The following TENM3 variants were observed in gnomAD, a reference collection of about 807,000 sequenced individuals.
The protein encoded by TENM3 is teneurin-3.
A neutral mutation model predicts 255.1 loss-of-function variants in TENM3; 63 were observed. The observed-to-expected ratio is 0.25, with a 90% CI of 0.20 to 0.30. The LOEUF (loss-of-function observed/expected upper bound fraction) is 0.30, where lower values mean the gene tolerates loss of function less well. Among genes scored for constraint, TENM3 ranks in the 10% least tolerant of loss-of-function variants. The pLI, the probability that TENM3 is intolerant of heterozygous loss-of-function variation, is 1.00. For missense variants in TENM3, 2,929 were observed against 3,461.1 expected (o/e 0.85, Z 3.86); for synonymous variants, 1,306 against 1,322.3 (o/e 0.99, Z 0.27).
chr4:182,708,772 T>TC (rs1475530004), intron 12 of TENM3, among the ~76,000 whole-genome samples: 1 of 135,744 alleles, frequency 7.4e-6, no homozygotes, highest in Non-Finnish European at 1.5e-5. Context: ...TACTCCAGCC[T>TC]GGGCGACAGA....
the TENM3 span, among the ~76,000 whole-genome samples, chr4:181,944,056 C>G: frequency 6.6e-6 from 1 of 152,126 alleles, no homozygotes; most frequent in Non-Finnish European, 1.5e-5. Context: ...CTTTTTGTCT[C>G]TAGGCACCAG....
intron 12 of TENM3, among the ~76,000 whole-genome samples, chr4:182,691,734 G>A (rs2152598089): frequency 1.3e-5 from 2 of 152,220 alleles, no homozygotes; most frequent in Non-Finnish European, 2.9e-5. Flanking sequence ...TCTACTTTTA[G>A]CAATATTGTG....
chr4:182,186,762 C>CATATATATATATATATAT (rs70954298), intron 1 of TENM3, among the ~76,000 whole-genome samples: 1 of 27,502 alleles, frequency 3.6e-5, no homozygotes, highest in Non-Finnish European at 7.4e-5. Flanking sequence ...ACTAATGCAT[C>CATATATATATATATATAT]ATATATATAT....
chr4:182,051,098 T>C, the TENM3 span, among the ~76,000 whole-genome samples: 88 of 151,808 alleles, frequency 5.8e-4, no homozygotes, highest in African/African-American at 2.1e-3. Context: ...AATCCCACCA[T>C]TTTGGGAGGC....
the TENM3 span, among the ~76,000 whole-genome samples, chr4:181,621,646 C>A: frequency 3.9e-5 from 6 of 152,132 alleles, no homozygotes; most frequent in African/African-American, 1.4e-4. Flanking sequence ...TTAATATATT[C>A]TGTATGTTGC....
intron 1 of TENM3, among the ~76,000 whole-genome samples, chr4:182,167,529 A>G (rs1341969801): frequency 6.6e-6 from 1 of 152,212 alleles, no homozygotes; most frequent in Non-Finnish European, 1.5e-5. Flanking sequence ...TTAAAGAAAA[A>G]GAATTCTTGT....
rs188552934 is a variant in TENM3, at chr4:182,673,081, A to G, written c.1188A>G (p.Gln396=). ...GELDIGRRAI[Q]EIPPGIFWRS... ...TTGATATTGGCCGAAGAGCAATTCA[A>G]GAGATTCCTCCCGGGATCTTCTGGA... The change falls in exon 7 of 28, where the codon CAA becomes CAG. Residue 396 remains glutamine (Q), a synonymous_variant. Coordinates refer to ENST00000511685, the MANE Select transcript of TENM3 (RefSeq NM_001080477.4). 16 of 1,611,478 alleles carry G rather than the reference A, an allele frequency of 9.9e-6. No individual in the cohort carries two copies. The highest frequency in any genetic ancestry group is 8.0e-5 in the African/African-American group (6 of 75,012).
chr4:182,432,914 T>G (rs1471669886), intron 3 of TENM3, among the ~76,000 whole-genome samples: 1 of 141,304 alleles, frequency 7.1e-6, no homozygotes, highest in Non-Finnish European at 1.6e-5. Flanking sequence ...CTTTAACTCC[T>G]GACCTCAGGT....
chr4:181,565,259 G>A, the TENM3 span, among the ~76,000 whole-genome samples: 7 of 152,100 alleles, frequency 4.6e-5, no homozygotes, highest in African/African-American at 7.2e-5. Flanking sequence ...AGGCAACGAG[G>A]ACTAATACTC....
the TENM3 span, among the ~76,000 whole-genome samples, chr4:181,479,499 T>C: frequency 6.6e-6 from 1 of 152,314 alleles, no homozygotes; most frequent in South Asian, 2.1e-4. Flanking sequence ...ATTTAAGTCA[T>C]ACTGGACCTA....
the TENM3 span, among the ~76,000 whole-genome samples, chr4:181,666,181 GTCT>G: frequency 6.6e-6 from 1 of 152,120 alleles, no homozygotes; most frequent in Non-Finnish European, 1.5e-5. Context: ...ATGAGGAAAA[GTCT>G]GGCAGAGATT....
Position 182,793,398 on chromosome 4 carries a change from A to C in TENM3, c.6726A>C (p.Leu2242=). ...LGRRVSSKTS[L]GQHLQFFYAD... ...GGCGTGTTTCTAGCAAAACCAGTCT[A>C]GGACAGCACCTGCAGTTTTTTTATG... The change falls in exon 26 of 28, where the codon CTA becomes CTC. Residue 2242 remains leucine (L), a synonymous_variant. Transcript: ENST00000511685. The surrounding 1 kb of genome is among the most constrained non-coding windows in gnomAD (Gnocchi z 5.7). 1 of 1,613,990 alleles carries C rather than the reference A, an allele frequency of 6.2e-7. No homozygotes were observed. The highest frequency in any genetic ancestry group is 2.2e-5 in the East Asian group (1 of 44,888).
intron 3 of TENM3, among the ~76,000 whole-genome samples, chr4:182,392,664 C>A (rs1479886610): frequency 1.3e-5 from 2 of 148,884 alleles, no homozygotes; most frequent in Non-Finnish European, 3.0e-5. Context: ...TAGGGGAATG[C>A]CTCCACGTGG....
At chr4:182,438,868 G>GA (rs1772244639) in intron 3 of TENM3, among the ~76,000 whole-genome samples, 1 of 152,150 alleles carries the variant, frequency 6.6e-6, no homozygotes, top group African/African-American at 2.4e-5. Context: ...AGCTTTTGTT[G>GA]AAAATCTTGC....
intron 12 of TENM3, among the ~76,000 whole-genome samples, chr4:182,705,455 G>A (rs1055031888): frequency 2.0e-5 from 3 of 152,076 alleles, no homozygotes; most frequent in Non-Finnish European, 4.4e-5. Context: ...AATATTATAC[G>A]GTACTATTTA....
chr4:182,088,908 A>G, the TENM3 span, among the ~76,000 whole-genome samples: 1 of 152,158 alleles, frequency 6.6e-6, no homozygotes, highest in Admixed American at 6.5e-5. Flanking sequence ...TCTCTCCAAA[A>G]TGATTTCATG....
intron 3 of TENM3, among the ~76,000 whole-genome samples, chr4:182,366,899 AAGTC>A (rs759340352): frequency 7.2e-5 from 11 of 152,112 alleles, no homozygotes; most frequent in African/African-American, 1.4e-4. Flanking sequence ...ATCCTGCAGA[AAGTC>A]AGGTTACATA....
chr4:181,871,708 T>C, the TENM3 span, among the ~76,000 whole-genome samples: 2 of 152,148 alleles, frequency 1.3e-5, no homozygotes, highest in Non-Finnish European at 2.9e-5. Flanking sequence ...TTTTCATAGA[T>C]GTTTTCTCAG....
At chr4:181,784,242 C>T in the TENM3 span, among the ~76,000 whole-genome samples, 3 of 150,890 alleles carry the variant, frequency 2.0e-5, no homozygotes, top group Admixed American at 6.6e-5. Context: ...TTATGTTTGT[C>T]GAATTTTTGT....
Sources: allele counts gnomAD v4.1 joint callset (sites outside exome capture counted in the v4.1 genomes callset), GRCh38; gene constraint gnomAD v4.1.1; non-coding constraint Gnocchi (gnomAD v3.1); transcripts MANE v1.5; gene names NCBI Gene and HGNC (gene_info 2026-07-23, HGNC 2026-07-21).